The following SDK2 variants were observed in gnomAD, a reference collection of about 807,000 sequenced individuals.
The protein encoded by SDK2 is sidekick cell adhesion molecule 2.
SDK2 carries 105 observed loss-of-function variants against 253.9 expected under a neutral mutation model. The observed-to-expected ratio is 0.41, with a 90% CI of 0.35 to 0.49. SDK2 has a LOEUF of 0.49. Ranked by LOEUF, SDK2 falls within the 20% of genes least tolerant of loss-of-function variation. The pLI is 0.06. For missense variants in SDK2, 2,608 were observed against 3,003.0 expected, an observed-to-expected ratio of 0.87 and a Z score of 3.07; for synonymous variants, 1,249 against 1,234.9, an observed-to-expected ratio of 1.01 and a Z score of -0.24.
intron 1 of SDK2, among the ~76,000 whole-genome samples, chr17:73,590,506 G>A (rs971733593): frequency 1.3e-5 from 2 of 152,210 alleles, no homozygotes; most frequent in African/African-American, 4.8e-5. Context: ...TTCAGACCCT[G>A]GCCTAAGTAG....
chr17:73,571,371 T>C (rs9915396), intron 1 of SDK2, among the ~76,000 whole-genome samples: 40,759 of 151,942 alleles, frequency 0.27, 5,554 homozygotes, highest in South Asian at 0.35. Flanking sequence ...ACACTGATAT[T>C]CAGTACTAGC....
Position 73,358,119 on chromosome 17 carries a change from T to G in SDK2, c.5553A>C (p.Lys1851Asn). The G allele has an allele frequency of 6.2e-7, 1 of 1,613,268 alleles. No individual in the cohort carries two copies. Among genetic ancestry groups the G allele is most frequent in the Non-Finnish European group, 8.5e-7 (1 of 1,179,718 alleles). ...CGATGACGTAGCGGGTGATGGGCCC[T>G]TTGCCCGGGTCTCCGCTGGACCAGT... ...AIHWSSGDPGKGPITRYVIEA... is the reference protein window; with the variant it reads ...AIHWSSGDPGNGPITRYVIEA... The change falls in exon 40 of 45, where the codon AAA (lysine) becomes AAC (asparagine). Residue 1851 changes from lysine to asparagine, a missense_variant. By Grantham distance (94) the Lys-to-Asn change is moderately conservative. This residue lies in a region of SDK2 where 1,103 missense variants were observed against 1,143.9 expected (regional missense o/e 0.96). Transcript: ENST00000392650.
In SDK2 at chr17:73,358,157, C is replaced by T; in HGVS notation, c.5515G>A (p.Ala1839Thr). The change falls in exon 40 of 45, where the codon GCC (alanine) becomes ACC (threonine). Residue 1839 changes from alanine (A) to threonine (T), a missense_variant. Coordinates refer to ENST00000392650, the MANE Select transcript of SDK2 (RefSeq NM_001144952.2). ...GVPIIVRYSS[A>T]IAIHWSSGDP... Reference sequence around the variant, plus strand: ...CCGCTGGACCAGTGAATGGCGATGGCAGAGCTGTACCGCACGATGATGGGC... The same window carrying T: ...CCGCTGGACCAGTGAATGGCGATGGTAGAGCTGTACCGCACGATGATGGGC... 6.2e-7 allele frequency: 1 copy of T among 1,612,636 alleles called. No individual in the cohort carries two copies. The highest frequency in any genetic ancestry group is 8.5e-7 in the Non-Finnish European group (1 of 1,179,556).
chr17:73,348,529 C>T (rs75637704), intron 44 of SDK2, 70 bp downstream of exon 44: 271,784 of 1,548,502 alleles, frequency 0.18, 25,695 homozygotes, highest in Middle Eastern at 0.22. Context: ...AGCCCATCTA[C>T]GTTCACTGCC....
At chr17:73,632,622 T>C (rs1170380767) in intron 1 of SDK2, among the ~76,000 whole-genome samples, 4 of 152,192 alleles carry the variant, frequency 2.6e-5, no homozygotes, top group South Asian at 4.1e-4. Context: ...GATCCAATAC[T>C]CTTAATAAAC....
rs571195091 is a variant in SDK2, at chr17:73,409,944, C to T, written c.2484+4700G>A. On this transcript the variant is annotated intron_variant, in intron 18 of 44. Coordinates refer to ENST00000392650, the MANE Select transcript of SDK2 (RefSeq NM_001144952.2). ...ATTTCAGCTCACTGTAGCCTTGAAT[C>T]GTGGTCTCAAACAATCCTCCCTGTC... Among the ~76,000 whole-genome samples, 241 of 152,184 alleles carry T rather than the reference C, an allele frequency of 1.6e-3. 2 individuals carry two copies. Among genetic ancestry groups the T allele is most frequent in the Middle Eastern group, 3.4e-3 (1 of 294 alleles).
intron 1 of SDK2, among the ~76,000 whole-genome samples, chr17:73,554,978 C>A (rs1356193690): frequency 6.6e-6 from 1 of 152,246 alleles, no homozygotes. Context: ...TGAGCTCAGG[C>A]AGGGCCTTGG....
chr17:73,384,651 C>G (rs2062857693), intron 32 of SDK2, among the ~76,000 whole-genome samples: 1 of 152,304 alleles, frequency 6.6e-6, no homozygotes. Flanking sequence ...GAAACCCCGT[C>G]TCTACTAAAA....
At chr17:73,390,237 G>T in intron 29 of SDK2, 50 bp downstream of exon 29, 1 of 1,449,644 alleles carries the variant, frequency 6.9e-7, no homozygotes, top group Admixed American at 2.4e-5. Flanking sequence ...GCACTGGCTG[G>T]CCCCCCCTCA....
intron 1 of SDK2, among the ~76,000 whole-genome samples, chr17:73,529,042 T>A (rs967367871): frequency 6.6e-6 from 1 of 152,242 alleles, no homozygotes; most frequent in African/African-American, 2.4e-5. Flanking sequence ...TCTTGAGTCC[T>A]CTTACACCAT....
In SDK2 at chr17:73,496,465, C is replaced by T. The variant is rs139016130; in HGVS notation, c.224+10973G>A. Among the ~76,000 whole-genome samples, 80 of 152,030 alleles carry T rather than the reference C, an allele frequency of 5.3e-4. 1 individual carries two copies. The East Asian group carries it at 0.014, about 26-fold the overall frequency. On this transcript the variant is annotated intron_variant, in intron 2 of 44. Coordinates refer to ENST00000392650, the MANE Select transcript of SDK2 (RefSeq NM_001144952.2). The surrounding 1 kb of genome is among the most constrained non-coding windows in gnomAD (Gnocchi z 4.7). ...TGGAGGACAGAGGTGGGCATGGGCA[C>T]GAGGGCATGAAAGAGCAGAGACCAC...
At chr17:73,346,223 AAAAG>A (rs1478382563) in intron 44 of SDK2, among the ~76,000 whole-genome samples, 1 of 151,996 alleles carries the variant, frequency 6.6e-6, no homozygotes, top group Non-Finnish European at 1.5e-5. Flanking sequence ...AAAAAAAAAA[AAAAG>A]AAAAAGAAAA....
At chr17:73,375,713 G>A (rs2062772638) in intron 36 of SDK2, among the ~76,000 whole-genome samples, 1 of 151,886 alleles carries the variant, frequency 6.6e-6, no homozygotes, top group African/African-American at 2.4e-5. Flanking sequence ...AAAATTAGCT[G>A]GGCATGGTGG....
intron 2 of SDK2, among the ~76,000 whole-genome samples, chr17:73,489,441 T>C (rs1440482601): frequency 1.3e-5 from 2 of 152,096 alleles, no homozygotes; most frequent in African/African-American, 4.8e-5. Context: ...AAGCATTAAC[T>C]TGGAGGGGGG....
intron 1 of SDK2, among the ~76,000 whole-genome samples, chr17:73,513,310 G>A (rs1203274108): frequency 6.6e-6 from 1 of 152,210 alleles, no homozygotes; most frequent in Non-Finnish European, 1.5e-5. Context: ...CAAAGGATAT[G>A]AAGTTCGCAG....
At chr17:73,628,424 C>T (rs1457612859) in intron 1 of SDK2, among the ~76,000 whole-genome samples, 2 of 152,244 alleles carry the variant, frequency 1.3e-5, no homozygotes, top group Non-Finnish European at 2.9e-5. Flanking sequence ...ATTGGAGGGG[C>T]AGATCCACAG....
chr17:73,610,687 G>C lies in SDK2; in HGVS notation c.64+33338C>G, dbSNP rs556551790. Among the ~76,000 whole-genome samples, 27 of 149,792 alleles carry C rather than the reference G, an allele frequency of 1.8e-4. 2 individuals are homozygous for C. Among genetic ancestry groups the C allele is most frequent in the Admixed American group, 1.7e-3 (26 of 15,140 alleles). On this transcript the variant is annotated intron_variant, in intron 1 of 44. Coordinates refer to ENST00000392650, the MANE Select transcript of SDK2 (RefSeq NM_001144952.2). ...TGTGCATGTGTTTTCTGTGTGTAAG[G>C]CATGTGTGTAATGTGTGTCTGTGTG...
intron 11 of SDK2, among the ~76,000 whole-genome samples, chr17:73,430,832 G>A (rs568605262): frequency 6.6e-6 from 1 of 152,218 alleles, no homozygotes; most frequent in Non-Finnish European, 1.5e-5. Flanking sequence ...GGACGATCAG[G>A]ACCATATTTT....
chr17:73,590,441 G>A (rs1193344290), intron 1 of SDK2, among the ~76,000 whole-genome samples: 1 of 152,194 alleles, frequency 6.6e-6, no homozygotes, highest in African/African-American at 2.4e-5. Flanking sequence ...GCCAAGACCC[G>A]CACCACCTGC....
Sources: gnomAD v4.1 joint callset for allele counts (sites outside exome capture counted in the v4.1 genomes callset) on GRCh38, gnomAD v4.1.1 for gene constraint, gnomAD v4.1.1 regional missense constraint, Gnocchi (gnomAD v3.1) non-coding constraint, MANE v1.5 for transcripts, NCBI Gene and HGNC (gene_info 2026-07-23, HGNC 2026-07-21) for gene names.